Variants in MTOR observed in about 807,000 individuals in gnomAD.
MTOR encodes serine/threonine-protein kinase mTOR.
Under a neutral mutation model 319.8 loss-of-function variants are expected in MTOR, and 70 were observed. That is an observed-to-expected ratio of 0.22 (90% confidence interval 0.18 to 0.27). The LOEUF is 0.27. Among genes scored for constraint, MTOR ranks in the 10% least tolerant of loss-of-function variants. The pLI is 1.00. For synonymous variants in MTOR, 1,183 were observed against 1,211.4 expected, an observed-to-expected ratio of 0.98 and a Z score of 0.49; for missense variants, 1,890 against 3,274.4, an observed-to-expected ratio of 0.58 and a Z score of 10.32.
rs1644096488 is a variant in MTOR at position 11,150,330 on chromosome 1, C to T, written c.4470-104G>A. The T allele has an allele frequency of 1.8e-5, 16 of 880,844 alleles. No homozygotes were observed. In the Admixed American group the frequency reaches 3.3e-4, roughly 18 times the overall value. 54.6% of individuals were successfully genotyped at this position (880,844 alleles called of 1,614,324 possible). ...AGGTGAGGACTACACAGGAACTGGA[C>T]ACCTTTAATAAAAAAGCACATTCTA... On this transcript the variant is annotated intron_variant, in intron 30 of 57. Transcript: ENST00000361445.
rs2100381962 is a variant in MTOR at position 11,124,560 on chromosome 1, C to T, written c.6600G>A (p.Gln2200=). The change falls in exon 47 of 58, where the codon CAG becomes CAA. Residue 2200 remains glutamine (Q), a synonymous_variant. Coordinates refer to ENST00000361445, the MANE Select transcript of MTOR (RefSeq NM_004958.4). Reference sequence around the variant, plus strand: ...GAAGGGTGTTAACCAGGCCGAAGAGCTGCATCACACGCTCATCCTGGCGCA... The same window carrying T: ...GAAGGGTGTTAACCAGGCCGAAGAGTTGCATCACACGCTCATCCTGGCGCA... ...EDLRQDERVM[Q]LFGLVNTLLA... is the part of the protein sequence containing the mutation. 1 of 1,613,002 alleles carries T rather than the reference C, an allele frequency of 6.2e-7. No individual in the cohort carries two copies. Among genetic ancestry groups the T allele is most frequent in the Non-Finnish European group, 8.5e-7 (1 of 1,179,018 alleles).
chr1:11,172,565 A>G (rs1242183312), intron 28 of MTOR, among the ~76,000 whole-genome samples: 2 of 143,438 alleles, frequency 1.4e-5, no homozygotes, highest in Admixed American at 7.1e-5. Flanking sequence ...CTCAAAAAAA[A>G]AAAAAAAAAA....
chr1:11,238,562 C>G lies in MTOR; in HGVS notation c.1842G>C (p.Glu614Asp). 1.2e-6 allele frequency: 2 copies of G among 1,614,200 alleles called. No individual in the cohort carries two copies. The highest frequency in any genetic ancestry group is 1.7e-6 in the Non-Finnish European group (2 of 1,180,042). Residue 614 changes from glutamate to aspartate, a missense_variant, in exon 12 of 58, where the codon GAG becomes GAC. Coordinates refer to ENST00000361445, the MANE Select transcript of MTOR (RefSeq NM_004958.4). ...CAGCCTCCATGCGGATCTCCTTGTG[C>G]TCACTGTTCAGGAAATGATCCGCAC... is the stretch of plus-strand genomic sequence containing the variant. ...RHCADHFLNS[E>D]HKEIRMEAAR...
At position 11,109,553 on chromosome 1, in the gene MTOR, G is replaced by A. The variant is rs1641750081; in HGVS notation, c.7447+96C>T. Reference sequence around the variant, plus strand: ...ACCTTTTCTGCTCAAAGGCAGTTTTGTTGCTTCATCTTGTTGACCCCTCTC... The same window carrying A: ...ACCTTTTCTGCTCAAAGGCAGTTTTATTGCTTCATCTTGTTGACCCCTCTC... On this transcript the variant is annotated intron_variant, in intron 55 of 57. Transcript: ENST00000361445. The surrounding 1 kb of genome is among the most constrained non-coding windows in gnomAD (Gnocchi z 4.0). The A allele has an allele frequency of 7.4e-7, 1 of 1,344,032 alleles. No homozygotes were observed. Among genetic ancestry groups the A allele is most frequent in the East Asian group, 2.3e-5 (1 of 43,432 alleles). 83.3% of individuals were successfully genotyped at this position (1,344,032 alleles called of 1,614,324 possible).
intron 28 of MTOR, among the ~76,000 whole-genome samples, chr1:11,174,312 C>T (rs1254170759): frequency 5.3e-5 from 8 of 152,172 alleles, no homozygotes; most frequent in Admixed American, 5.2e-4. Flanking sequence ...TTTCCATTAA[C>T]TCTCTCTCTA....
chr1:11,238,361 T>A (rs1487853022), intron 12 of MTOR, 41 bp downstream of exon 12: 4 of 1,601,446 alleles, frequency 2.5e-6, no homozygotes, highest in South Asian at 1.1e-5. Flanking sequence ...TGTCCTAAGC[T>A]CCTTAACTCC....
At chr1:11,261,577 G>C (rs1651141641) in intron 1 of MTOR, among the ~76,000 whole-genome samples, 1 of 152,096 alleles carries the variant, frequency 6.6e-6, no homozygotes, top group South Asian at 2.1e-4. Context: ...AGTATGTTCA[G>C]CTTATGCTAC....
chr1:11,216,739 C>A (rs879532858), intron 19 of MTOR, among the ~76,000 whole-genome samples: 3 of 151,674 alleles, frequency 2.0e-5, no homozygotes, highest in African/African-American at 7.3e-5. Flanking sequence ...ACACACAAGG[C>A]GAGCCAGTTA....
At chr1:11,262,342 A>C (rs1231410871) in intron 1 of MTOR, 103 bp downstream of exon 1, 2 of 152,334 alleles carry the variant, frequency 1.3e-5, no homozygotes, top group East Asian at 3.9e-4. Context: ...TGGGGACCCC[A>C]CGTCCCAGAC....
chr1:11,147,186 G>T (rs1221652916), intron 31 of MTOR, among the ~76,000 whole-genome samples: 1 of 152,174 alleles, frequency 6.6e-6, no homozygotes, highest in Non-Finnish European at 1.5e-5. Flanking sequence ...CAGTTCAATG[G>T]TATGTTGGGA....
intron 11 of MTOR, among the ~76,000 whole-genome samples, chr1:11,238,968 G>A (rs1569746815): frequency 2.7e-5 from 4 of 149,386 alleles, no homozygotes; most frequent in Non-Finnish European, 4.4e-5. Flanking sequence ...TAGAGACAGC[G>A]TTTCACCATG....
At chr1:11,223,353 T>C (rs963184437) in intron 19 of MTOR, among the ~76,000 whole-genome samples, 3 of 152,174 alleles carry the variant, frequency 2.0e-5, no homozygotes. Context: ...TAAGAAATGA[T>C]TGTTAGCTTT....
Position 11,127,709 on chromosome 1 carries a change from A to T in MTOR, c.6131T>A (p.Val2044Glu), listed in dbSNP as rs2100407929. The stretch of plus-strand genomic sequence containing the variant: ...CTCCAGCACCTCAAACATGCCTTTC[A>T]CGTTCCTTTCCCCAAAGTACAAACG... ...ASRLYFGERN[V>E]KGMFEVLEPL... is the part of the protein sequence containing the mutation. The change falls in exon 44 of 58, where the codon GTG (valine) becomes GAG (glutamate). Residue 2044 changes from valine to glutamate, a missense_variant. Physicochemically the swap from Val to Glu is moderately radical, Grantham distance 121. Coordinates refer to ENST00000361445, the MANE Select transcript of MTOR (RefSeq NM_004958.4). The surrounding 1 kb of genome is among the most constrained non-coding windows in gnomAD (Gnocchi z 5.5). 1 of 1,614,124 alleles carries T rather than the reference A, an allele frequency of 6.2e-7. No homozygotes were observed. Among genetic ancestry groups the T allele is most frequent in the Non-Finnish European group, 8.5e-7 (1 of 1,180,034 alleles).
rs1469877387 is a variant in MTOR, at chr1:11,257,011, A to G, written c.426T>C (p.Ala142=). The G allele has an allele frequency of 2.5e-6, 4 of 1,614,046 alleles. No homozygotes were observed. The highest frequency in any genetic ancestry group is 1.3e-5 in the African/African-American group (1 of 75,014). Residue 142 remains alanine, a synonymous_variant, in exon 4 of 58, where the codon GCT becomes GCC. Transcript: ENST00000361445. Reference sequence around the variant, plus strand: ...GCTTCACCTCAAATTCCACGTACTCAGCGGTAAAAGTGTCCCCTGCCATGG... The same window carrying G: ...GCTTCACCTCAAATTCCACGTACTCGGCGGTAAAAGTGTCCCCTGCCATGG... ...RLAMAGDTFT[A]EYVEFEVKRA... is the part of the protein sequence containing the mutation.
chr1:11,150,353 C>A, intron 30 of MTOR, 127 bp from the exon 31 acceptor site: 1 of 688,062 alleles, frequency 1.5e-6, no homozygotes, highest in Non-Finnish European at 2.4e-6. Context: ...AAAGCACATT[C>A]TACTAGGTCA....
At chr1:11,246,138 A>G (rs1214987523) in intron 8 of MTOR, among the ~76,000 whole-genome samples, 1 of 152,238 alleles carries the variant, frequency 6.6e-6, no homozygotes, top group East Asian at 1.9e-4. Flanking sequence ...TGTCACTGGC[A>G]TATTTTAGCA....
rs188277402 is a variant in MTOR at position 11,115,562 on chromosome 1, A to C, written c.7017-94T>G. 1.6e-6 allele frequency: 2 copies of C among 1,218,914 alleles called. No individual in the cohort carries two copies. The highest frequency in any genetic ancestry group is 1.5e-5 in the African/African-American group (1 of 67,478). 75.5% of individuals were successfully genotyped at this position (1,218,914 alleles called of 1,614,324 possible). Reference sequence around the variant, plus strand: ...GTGATACTGTAAGCTAGGAGTTGGCAAACGATAGCCCTCAGCCAATCCAGC... The same window carrying C: ...GTGATACTGTAAGCTAGGAGTTGGCCAACGATAGCCCTCAGCCAATCCAGC... On this transcript the variant is annotated intron_variant, in intron 50 of 57. Transcript: ENST00000361445. This position sits in a 1 kb window ranked among gnomAD's most constrained non-coding sequence, Gnocchi z 4.5.
At chr1:11,213,844 G>T (rs776881804) in intron 20 of MTOR, among the ~76,000 whole-genome samples, 1 of 152,190 alleles carries the variant, frequency 6.6e-6, no homozygotes, top group Admixed American at 6.5e-5. Context: ...TTCTTGCTCA[G>T]CTAAGCCCTG....
chr1:11,204,071 G>A (rs1646062846), intron 26 of MTOR, among the ~76,000 whole-genome samples: 2 of 152,306 alleles, frequency 1.3e-5, no homozygotes, highest in African/African-American at 4.8e-5. Context: ...AGACACACAA[G>A]CCAGCCTTGA....
Sources: gnomAD v4.1 joint callset for allele counts (sites outside exome capture counted in the v4.1 genomes callset) on GRCh38, gnomAD v4.1.1 for gene constraint, Gnocchi (gnomAD v3.1) non-coding constraint, MANE v1.5 for transcripts, NCBI Gene and HGNC (gene_info 2026-07-23, HGNC 2026-07-21) for gene names.